Variants in PRKN observed in about 807,000 individuals in gnomAD.
PRKN encodes parkin RBR E3 ubiquitin protein ligase, also known as E3 ubiquitin-protein ligase parkin.
Under a neutral mutation model 59.5 loss-of-function variants are expected in PRKN, and 56 were observed. The ratio of observed to expected loss-of-function variants is 0.94; its 90% confidence interval spans 0.76 to 1.18. The LOEUF is 1.18. Among genes scored for constraint, PRKN ranks in the 50% most tolerant of loss-of-function variants. PRKN has a pLI of 0.00. For synonymous variants in PRKN, 250 were observed against 222.1 expected (o/e 1.13, Z -1.12); for missense variants, 657 against 596.4 (o/e 1.10, Z -1.06).
At chr6:162,046,715 G>C (rs935009472) in intron 5 of PRKN, among the ~76,000 whole-genome samples, 1 of 152,172 alleles carries the variant, frequency 6.6e-6, no homozygotes. Flanking sequence ...TGATGAAAAA[G>C]AAGTTATGTC....
At chr6:161,411,463 A>G (rs1399779418) in intron 9 of PRKN, among the ~76,000 whole-genome samples, 2 of 152,176 alleles carry the variant, frequency 1.3e-5, no homozygotes, top group Non-Finnish European at 1.5e-5. Context: ...TCTCTCCTTG[A>G]TAAGTTACTC....
chr6:161,797,951 C>A (rs899921493), intron 6 of PRKN, among the ~76,000 whole-genome samples: 1 of 152,162 alleles, frequency 6.6e-6, no homozygotes, highest in African/African-American at 2.4e-5. Flanking sequence ...CCTGTAATCC[C>A]AGCACTTTGG....
At position 161,378,665 on chromosome 6, in the gene PRKN, T is replaced by C. The variant is rs1785833979; in HGVS notation, c.1167+8129A>G. 6.6e-6 allele frequency among the ~76,000 whole-genome samples: 1 copy of C among 152,224 alleles called. No homozygotes were observed. Among genetic ancestry groups the C allele is most frequent in the Admixed American group, 6.5e-5 (1 of 15,290 alleles). Reference sequence around the variant, plus strand: ...TGCATACCCATGGGAACACTGGTCCTGTCACACATCCTACTGCCCAGAAGC... The same window carrying C: ...TGCATACCCATGGGAACACTGGTCCCGTCACACATCCTACTGCCCAGAAGC... On this transcript the variant is annotated intron_variant, in intron 10 of 11. Transcript: ENST00000366898. This position sits in a 1 kb window ranked among gnomAD's most constrained non-coding sequence, Gnocchi z 7.3.
At chr6:162,132,762 CTCTGA>C (rs1781415528) in intron 4 of PRKN, among the ~76,000 whole-genome samples, 1 of 152,042 alleles carries the variant, frequency 6.6e-6, no homozygotes, top group Non-Finnish European at 1.5e-5. Flanking sequence ...CTGAAATCTA[CTCTGA>C]TAAGTGCTGT....
chr6:161,629,951 G>T (rs546608831), intron 7 of PRKN, among the ~76,000 whole-genome samples: 8 of 152,130 alleles, frequency 5.3e-5, no homozygotes, highest in Non-Finnish European at 1.2e-4. Flanking sequence ...CTAGCTTAAG[G>T]GTTTGTGAAA....
chr6:161,706,580 G>A (rs913319819), intron 7 of PRKN, among the ~76,000 whole-genome samples: 5 of 143,488 alleles, frequency 3.5e-5, no homozygotes, highest in African/African-American at 5.1e-5. Flanking sequence ...ACCTGTGCTT[G>A]CAGTATTCCA....
intron 6 of PRKN, among the ~76,000 whole-genome samples, chr6:161,834,712 G>A (rs998373182): frequency 6.6e-6 from 1 of 152,222 alleles, no homozygotes; most frequent in Non-Finnish European, 1.5e-5. Context: ...ATATCCACAG[G>A]CAGAACAGTT....
intron 4 of PRKN, among the ~76,000 whole-genome samples, chr6:162,145,391 A>C (rs1378132188): frequency 6.6e-6 from 1 of 152,182 alleles, no homozygotes; most frequent in East Asian, 1.9e-4. Context: ...TCCTGTAAGT[A>C]AGGACCATCT....
Position 161,943,945 on chromosome 6 carries a change from C to CT in PRKN, c.734+29356dup, listed in dbSNP as rs1779670886. On this transcript the variant is annotated intron_variant, in intron 6 of 11. Transcript: ENST00000366898. ...TGAGGAAGCAGCCTGAGGAAGCAGC[C>CT]TGAGGGATCAGCCTTGAGGAAGCAG... 1.1e-4 allele frequency among the ~76,000 whole-genome samples: 6 copies of CT among 53,636 alleles called. 1 individual carries two copies. In the South Asian group the frequency reaches 2.3e-3, roughly 20 times the overall value. The allele number at this position is 53,636 out of a possible 152,430, so 35.2% of individuals were successfully genotyped here. A position where few individuals can be genotyped will look rare whatever the true frequency, so the allele number is the denominator to read the frequency against.
In PRKN at chr6:161,575,936, A is replaced by T. The variant is rs971144943; in HGVS notation, c.872-6520T>A. On this transcript the variant is annotated intron_variant, in intron 7 of 11. Coordinates refer to ENST00000366898, the MANE Select transcript of PRKN (RefSeq NM_004562.3). This position sits in a 1 kb window ranked among gnomAD's most constrained non-coding sequence, Gnocchi z 4.6. ...CAATGTGATCGAAGACAATGCAGCGAGACTGAACACTGACCTCTGAGCACA... is the reference window on the plus strand; with the variant it reads ...CAATGTGATCGAAGACAATGCAGCGTGACTGAACACTGACCTCTGAGCACA... Among the ~76,000 whole-genome samples, 1 of 152,228 alleles carries T rather than the reference A, an allele frequency of 6.6e-6. No homozygotes were observed. Among genetic ancestry groups the T allele is most frequent in the Non-Finnish European group, 1.5e-5 (1 of 68,038 alleles).
Position 161,355,172 on chromosome 6 carries a change from C to T in PRKN, c.1285+4916G>A, listed in dbSNP as rs71567604. Among the ~76,000 whole-genome samples, 4,816 of 152,300 alleles carry T rather than the reference C, an allele frequency of 0.032. 117 individuals carry two copies. The highest frequency in any genetic ancestry group is 0.092 in the Middle Eastern group (27 of 294). On this transcript the variant is annotated intron_variant, in intron 11 of 11. Transcript: ENST00000366898. The surrounding 1 kb of genome is among the most constrained non-coding windows in gnomAD (Gnocchi z 6.8). The stretch of plus-strand genomic sequence containing the variant: ...CTCCGCACACCGGCGCGCGCACACC[C>T]GGTGTCTTTGCTCATGCAGTCCTGG...
chr6:162,442,311 C>T (rs938310468), intron 2 of PRKN, among the ~76,000 whole-genome samples: 4 of 152,172 alleles, frequency 2.6e-5, no homozygotes, highest in Non-Finnish European at 5.9e-5. Flanking sequence ...AGCAGTGATA[C>T]CCACACAGCT....
rs1791486329 is a variant in PRKN, at chr6:161,483,110, T to C, written c.1083+65744A>G. ...GAAGATGCAAGGGACTTCTCAGCAA[T>C]TTCTCTCTATGTGTTCTGCAGATAA... On this transcript the variant is annotated intron_variant, in intron 9 of 11. Transcript: ENST00000366898. The surrounding 1 kb of genome is among the most constrained non-coding windows in gnomAD (Gnocchi z 5.0). Among the ~76,000 whole-genome samples the C allele has an allele frequency of 6.6e-6, 1 of 151,560 alleles. No homozygotes were observed. The highest frequency in any genetic ancestry group is 2.4e-5 in the African/African-American group (1 of 41,294).
chr6:161,887,031 C>T (rs1562366290), intron 6 of PRKN, among the ~76,000 whole-genome samples: 1 of 152,104 alleles, frequency 6.6e-6, no homozygotes, highest in Non-Finnish European at 1.5e-5. Flanking sequence ...AAATACATTC[C>T]AGGTTTGACA....
At chr6:162,294,924 G>A (rs917759282) in intron 2 of PRKN, among the ~76,000 whole-genome samples, 1 of 152,162 alleles carries the variant, frequency 6.6e-6, no homozygotes, top group Admixed American at 6.6e-5. Context: ...AGATCTGAAC[G>A]AGACCTGGAT....
At chr6:162,365,812 TCTTA>T (rs1785407579) in intron 2 of PRKN, among the ~76,000 whole-genome samples, 1 of 152,234 alleles carries the variant, frequency 6.6e-6, no homozygotes, top group Admixed American at 6.5e-5. Context: ...TTCATGTATT[TCTTA>T]CTGTTTACTG....
intron 7 of PRKN, among the ~76,000 whole-genome samples, chr6:161,643,612 C>T (rs1783819444): frequency 1.3e-5 from 2 of 152,118 alleles, no homozygotes; most frequent in South Asian, 4.2e-4. Flanking sequence ...TTTAGGTATT[C>T]CAAAGATGTC....
intron 6 of PRKN, among the ~76,000 whole-genome samples, chr6:161,850,961 G>A (rs1293383957): frequency 6.6e-6 from 1 of 152,156 alleles, no homozygotes; most frequent in Non-Finnish European, 1.5e-5. Flanking sequence ...GCCTTGGATT[G>A]TCTGTGAAAT....
intron 9 of PRKN, among the ~76,000 whole-genome samples, chr6:161,505,245 T>C (rs995050036): frequency 6.6e-6 from 1 of 152,166 alleles, no homozygotes; most frequent in Non-Finnish European, 1.5e-5. Context: ...TATCTCATTG[T>C]GGTTTTGATT....
Sources: gnomAD v4.1 joint callset for allele counts (sites outside exome capture counted in the v4.1 genomes callset) on GRCh38, gnomAD v4.1.1 for gene constraint, Gnocchi (gnomAD v3.1) non-coding constraint, MANE v1.5 for transcripts, NCBI Gene and HGNC (gene_info 2026-07-23, HGNC 2026-07-21) for gene names.